Variants in RBFOX1 observed in about 807,000 individuals in gnomAD.
The protein encoded by RBFOX1 is RNA binding fox-1 homolog 1.
RBFOX1 carries 8 observed loss-of-function variants against 57.7 expected under a neutral mutation model. The ratio of observed to expected loss-of-function variants is 0.14; its 90% CI spans 0.08 to 0.25. RBFOX1 has a LOEUF of 0.25. Among genes scored for constraint, RBFOX1 ranks in the 10% least tolerant of loss-of-function variants. The pLI is 1.00. For missense variants in RBFOX1, 611 were observed against 548.5 expected, an observed-to-expected ratio of 1.11 and a Z score of -1.14; for synonymous variants, 326 against 222.4, an observed-to-expected ratio of 1.47 and a Z score of -4.15.
At chr16:6,971,795 T>A (rs985693309) in intron 3 of RBFOX1, among the ~76,000 whole-genome samples, 1 of 151,760 alleles carries the variant, frequency 6.6e-6, no homozygotes, top group Non-Finnish European at 1.5e-5. Context: ...TTCTGTTGGG[T>A]GTGGAGGGCG....
At chr16:5,659,188 G>T (rs866659878) in intron 3 of RBFOX1, among the ~76,000 whole-genome samples, 25 of 151,708 alleles carry the variant, frequency 1.6e-4, no homozygotes, top group African/African-American at 6.0e-4. Context: ...TGATTTTTTT[G>T]ATTATGGCCA....
rs1450697686 is a variant in RBFOX1 at position 5,800,042 on chromosome 16, T to TA, written c.319-67261_319-67260insA. 1.5e-3 allele frequency among the ~76,000 whole-genome samples: 235 copies of TA among 152,028 alleles called. 1 individual carries two copies. Among genetic ancestry groups the TA allele is most frequent in the Non-Finnish European group, 4.4e-4 (30 of 67,992 alleles). ...CTATTAAGTGTATATTTCCCTATTTTTTATATATATATGTATAAGTATATA... is the reference window on the plus strand; with the variant it reads ...CTATTAAGTGTATATTTCCCTATTTTATTATATATATATGTATAAGTATATA... On this transcript the variant is annotated intron_variant, in intron 3 of 19. Transcript: ENST00000641259.
intron 4 of RBFOX1, among the ~76,000 whole-genome samples, chr16:7,326,335 G>T (rs1424340938): frequency 1.3e-5 from 2 of 152,164 alleles, no homozygotes; most frequent in Non-Finnish European, 2.9e-5. Context: ...GATTGGAGCA[G>T]GAGGTAGTGC....
intron 1 of RBFOX1, among the ~76,000 whole-genome samples, chr16:5,437,240 TG>T (rs1238194483): frequency 6.6e-6 from 1 of 152,210 alleles, no homozygotes. Flanking sequence ...CTTCTTGAAT[TG>T]TGGCAGGAAA....
intron 4 of RBFOX1, among the ~76,000 whole-genome samples, chr16:7,132,780 G>A (rs2070856947): frequency 6.6e-6 from 1 of 151,746 alleles, no homozygotes; most frequent in Non-Finnish European, 1.5e-5. Flanking sequence ...TTCAAATACT[G>A]AAACTCTTAG....
intron 2 of RBFOX1, among the ~76,000 whole-genome samples, chr16:6,439,753 T>G (rs866936304): frequency 6.6e-6 from 1 of 152,158 alleles, no homozygotes; most frequent in Non-Finnish European, 1.5e-5. Flanking sequence ...CAGTCTCATC[T>G]TTCCCTGGGA....
chr16:6,770,193 A>T (rs1025204161), intron 3 of RBFOX1, among the ~76,000 whole-genome samples: 7 of 152,208 alleles, frequency 4.6e-5, no homozygotes, highest in African/African-American at 1.7e-4. Flanking sequence ...ATCCATTAGC[A>T]GTCATGGGTG....
intron 2 of RBFOX1, among the ~76,000 whole-genome samples, chr16:6,526,428 G>A (rs891300214): frequency 2.0e-5 from 3 of 152,130 alleles, no homozygotes; most frequent in Non-Finnish European, 4.4e-5. Flanking sequence ...ATAAGCACCA[G>A]TCACACTACA....
chr16:7,007,478 C>G (rs1453873144), intron 3 of RBFOX1, among the ~76,000 whole-genome samples: 1 of 152,084 alleles, frequency 6.6e-6, no homozygotes. Context: ...CTAGAAAATC[C>G]TATTTGTCAT....
intron 3 of RBFOX1, among the ~76,000 whole-genome samples, chr16:5,856,412 C>G (rs1214736590): frequency 2.9e-5 from 4 of 136,254 alleles, no homozygotes; most frequent in Non-Finnish European, 6.2e-5. Flanking sequence ...TCAGAAATAT[C>G]AAGTATATAG....
intron 4 of RBFOX1, among the ~76,000 whole-genome samples, chr16:7,209,543 C>G (rs1183763593): frequency 6.6e-6 from 1 of 152,194 alleles, no homozygotes; most frequent in Non-Finnish European, 1.5e-5. Context: ...CTTCTGCTCT[C>G]AGTGCAAACA....
rs556886999 is a variant in RBFOX1 at position 7,089,247 on chromosome 16, C to T, written c.27+37149C>T. On this transcript the variant is annotated intron_variant, in intron 4 of 15. Transcript: ENST00000550418. ...GTTTTCTCTTCGAGCTTGCGTATCA[C>T]GAAAGAGGTATTTTGAAATATAAAA... Among the ~76,000 whole-genome samples, 87 of 152,088 alleles carry T rather than the reference C, an allele frequency of 5.7e-4. 2 individuals are homozygous for T. The highest frequency in any genetic ancestry group is 2.6e-4 in the Admixed American group (4 of 15,272).
chr16:5,289,339 A>G (rs774230080), intron 1 of RBFOX1: 20 of 393,176 alleles, frequency 5.1e-5, no homozygotes, highest in Non-Finnish European at 9.2e-5. Flanking sequence ...CACTGGCATC[A>G]CCCCAGGAGG....
chr16:7,524,675 A>C (rs2078280497), intron 5 of RBFOX1, among the ~76,000 whole-genome samples: 1 of 152,206 alleles, frequency 6.6e-6, no homozygotes, highest in Admixed American at 6.5e-5. Context: ...TGGAGGCTCT[A>C]CTGACAGGGA....
chr16:6,129,157 A>G (rs982296714), intron 1 of RBFOX1, among the ~76,000 whole-genome samples: 3 of 152,232 alleles, frequency 2.0e-5, no homozygotes, highest in African/African-American at 7.2e-5. Context: ...CATGTGACCT[A>G]TAGCAAGATA....
chr16:5,764,731 G>C (rs755239179), intron 3 of RBFOX1, among the ~76,000 whole-genome samples: 1 of 152,104 alleles, frequency 6.6e-6, no homozygotes, highest in African/African-American at 2.4e-5. Flanking sequence ...CTGAGCTTCA[G>C]TTCCTCCATC....
intron 3 of RBFOX1, among the ~76,000 whole-genome samples, chr16:6,708,019 A>C (rs549183781): frequency 3.9e-5 from 6 of 152,120 alleles, no homozygotes; most frequent in African/African-American, 7.2e-5. Flanking sequence ...TCAAAACCTT[A>C]GTTTCAGAAG....
intron 4 of RBFOX1, among the ~76,000 whole-genome samples, chr16:7,085,457 T>A (rs1391193635): frequency 6.6e-6 from 1 of 152,224 alleles, no homozygotes; most frequent in African/African-American, 2.4e-5. Context: ...ATTGGCCAAA[T>A]GAACTGCACC....
At chr16:7,365,755 A>G (rs2097431268) in intron 4 of RBFOX1, among the ~76,000 whole-genome samples, 1 of 152,218 alleles carries the variant, frequency 6.6e-6, no homozygotes, top group African/African-American at 2.4e-5. Flanking sequence ...TGTTTTAGTA[A>G]GAGATGTAAA....
Sources: gnomAD v4.1 joint callset for allele counts (sites outside exome capture counted in the v4.1 genomes callset) on GRCh38, gnomAD v4.1.1 for gene constraint, MANE v1.5 for transcripts, NCBI Gene and HGNC (gene_info 2026-07-23, HGNC 2026-07-21) for gene names.